POLQ: variants seen among roughly 807,000 people sequenced by gnomAD.
POLQ encodes the protein epididymis secretory sperm binding protein.
Under a neutral mutation model 259.2 loss-of-function variants are expected in POLQ, and 233 were observed. The ratio of observed to expected loss-of-function variants is 0.90; its 90% confidence interval spans 0.81 to 1.00. The LOEUF is 1.00. Among genes scored for constraint, POLQ ranks in the 50% least tolerant of loss-of-function variants. The pLI is 0.00. For synonymous variants in POLQ, 1,025 were observed against 1,048.8 expected, an observed-to-expected ratio of 0.98 and a Z score of 0.44; for missense variants, 2,871 against 3,051.6, an observed-to-expected ratio of 0.94 and a Z score of 1.39.
intron 6 of POLQ, among the ~76,000 whole-genome samples, chr3:121,532,743 T>C (rs375535099): frequency 3.9e-4 from 59 of 152,132 alleles, no homozygotes; most frequent in African/African-American, 1.3e-3. Context: ...ATGTTGGCCA[T>C]GATGGTCTCT....
intron 4 of POLQ, among the ~76,000 whole-genome samples, chr3:121,537,568 A>G (rs7628081): frequency 0.69 from 104,628 of 151,578 alleles, 36,284 homozygotes; most frequent in East Asian, 0.89. Flanking sequence ...CTGTTCCTGC[A>G]TTAATTGGCT....
Position 121,436,174 on chromosome 3 carries a change from T to C in POLQ, c.7491A>G (p.Ser2497=). ...NIQKQLETFH[S]TFKSHGHREG... Reference sequence around the variant, plus strand: ...CTCGATGACCATGGGATTTGAAGGTTGAGTGGAAGGTCTCTAATTGCTTCT... The same window carrying C: ...CTCGATGACCATGGGATTTGAAGGTCGAGTGGAAGGTCTCTAATTGCTTCT... Residue 2497 remains serine, a synonymous_variant, in exon 28 of 30, where the codon TCA becomes TCG. Coordinates refer to ENST00000264233, the MANE Select transcript of POLQ (RefSeq NM_199420.4). The C allele has an allele frequency of 6.2e-7, 1 of 1,613,974 alleles. No individual in the cohort carries two copies.
At chr3:121,540,892 TTTAA>T (rs1180531263) in intron 3 of POLQ, among the ~76,000 whole-genome samples, 1 of 114,570 alleles carries the variant, frequency 8.7e-6, no homozygotes, top group South Asian at 4.2e-4. Context: ...TGTAAATTTT[TTTAA>T]TTTTTTTTTT....
intron 22 of POLQ, among the ~76,000 whole-genome samples, chr3:121,469,682 G>A (rs1020665911): frequency 4.0e-5 from 6 of 151,762 alleles, no homozygotes; most frequent in Non-Finnish European, 2.9e-5. Flanking sequence ...ACACTACTCT[G>A]GTCTATTAGT....
intron 7 of POLQ, among the ~76,000 whole-genome samples, chr3:121,524,996 G>C (rs923604316): frequency 6.6e-6 from 1 of 151,640 alleles, no homozygotes; most frequent in African/African-American, 2.4e-5. Flanking sequence ...CAACACAGGA[G>C]TTAGAAACAC....
Position 121,473,371 on chromosome 3 carries a change from T to C in POLQ, c.6522A>G (p.Gly2174=). The part of the protein sequence containing the change: ...GIDNGRKLRL[G]RQFSTSKDVL... Reference sequence around the variant, plus strand: ...GCACCTTACTAGTGCTGAACTGTCTTCCCAGCCTTAGCTTGCGTCCATTGT... The same window carrying C: ...GCACCTTACTAGTGCTGAACTGTCTCCCCAGCCTTAGCTTGCGTCCATTGT... Residue 2174 remains glycine (G), a synonymous_variant, in exon 21 of 30, where the codon GGA becomes GGG. Coordinates refer to ENST00000264233, the MANE Select transcript of POLQ (RefSeq NM_199420.4). The C allele has an allele frequency of 6.2e-7, 1 of 1,614,026 alleles. No homozygotes were observed.
At chr3:121,469,185 CA>C (rs36073350) in intron 22 of POLQ, among the ~76,000 whole-genome samples, 8,578 of 113,094 alleles carry the variant, frequency 0.076, 233 homozygotes, top group African/African-American at 0.12. Flanking sequence ...GAGACTGTCT[CA>C]AAAAAAAAAA....
Position 121,490,089 on chromosome 3 carries a change from A to C in POLQ, c.2842T>G (p.Tyr948Asp). 1 of 1,592,624 alleles carries C rather than the reference A, an allele frequency of 6.3e-7. No individual in the cohort carries two copies. Among genetic ancestry groups the C allele is most frequent in the Non-Finnish European group, 8.6e-7 (1 of 1,167,404 alleles). The change falls in exon 16 of 30, where the codon TAT becomes GAT. Residue 948 changes from tyrosine to aspartate, a missense_variant. Transcript: ENST00000264233. Reference sequence around the variant, plus strand: ...ACTATATTTGGTGAATGCTTAATATAAGAATCACTAAATATTGTGTTACTT... The same window carrying C: ...ACTATATTTGGTGAATGCTTAATATCAGAATCACTAAATATTGTGTTACTT... ...NKSNTIFSDS[Y>D]IKHSPNIVQD...
At chr3:121,513,766 G>A (rs543843682) in intron 9 of POLQ, among the ~76,000 whole-genome samples, 1 of 151,366 alleles carries the variant, frequency 6.6e-6, no homozygotes, top group Admixed American at 6.6e-5. Flanking sequence ...GCTTATGCCT[G>A]TAATCCCAGC....
chr3:121,504,817 G>A (rs778530820), intron 12 of POLQ, among the ~76,000 whole-genome samples: 2 of 152,170 alleles, frequency 1.3e-5, no homozygotes, highest in Non-Finnish European at 1.5e-5. Flanking sequence ...TCAGTGGAAA[G>A]CACTAGCCTT....
At chr3:121,434,895 G>A (rs992433424) in intron 28 of POLQ, among the ~76,000 whole-genome samples, 1 of 152,106 alleles carries the variant, frequency 6.6e-6, no homozygotes, top group Admixed American at 6.5e-5. Flanking sequence ...GCTCACGCTG[G>A]TAATCCCAAC....
At chr3:121,439,385 C>T (rs1483221691) in intron 27 of POLQ, among the ~76,000 whole-genome samples, 1 of 152,070 alleles carries the variant, frequency 6.6e-6, no homozygotes, top group Non-Finnish European at 1.5e-5. Flanking sequence ...CATTGCACTA[C>T]CTCACTCAGC....
chr3:121,466,568 T>C (rs1184301355), intron 24 of POLQ, among the ~76,000 whole-genome samples: 1 of 151,296 alleles, frequency 6.6e-6, no homozygotes, highest in Non-Finnish European at 1.5e-5. Context: ...CCCATGCTTG[T>C]AATCCCAGCT....
intron 27 of POLQ, among the ~76,000 whole-genome samples, chr3:121,438,173 C>A (rs1032429408): frequency 6.6e-6 from 1 of 152,020 alleles, no homozygotes; most frequent in Admixed American, 6.6e-5. Context: ...AAAACAAAAA[C>A]CAAAAAACAA....
At position 121,449,441 on chromosome 3, in the gene POLQ, T is replaced by G. The variant is rs573731012; in HGVS notation, c.7153-15A>C. On this transcript the variant is annotated splice_polypyrimidine_tract_variant and intron_variant, in intron 25 of 29. Transcript: ENST00000264233. ...CCATAGCAAATCTGAAAGGGAGTCA[T>G]CCAACAAATAAAGGTTATAAGTACA... The G allele has an allele frequency of 7.5e-6, 10 of 1,341,254 alleles. No individual in the cohort carries two copies. In the Admixed American group the frequency reaches 1.7e-4, roughly 23 times the overall value. The allele number at this position is 1,341,254 out of a possible 1,614,324, so 83.1% of individuals were successfully genotyped here.
At chr3:121,497,395 AATAAT>A (rs2048133613) in intron 13 of POLQ, among the ~76,000 whole-genome samples, 1 of 152,192 alleles carries the variant, frequency 6.6e-6, no homozygotes, top group South Asian at 2.1e-4. Context: ...CCATATTATA[AATAAT>A]ATATTAGAGA....
intron 27 of POLQ, among the ~76,000 whole-genome samples, chr3:121,437,097 T>C (rs966129135): frequency 3.3e-5 from 5 of 152,024 alleles, no homozygotes; most frequent in African/African-American, 1.2e-4. Flanking sequence ...CAACTTCTAG[T>C]ATATTAAATG....
At chr3:121,531,230 T>C (rs1178900494) in intron 6 of POLQ, among the ~76,000 whole-genome samples, 4 of 152,048 alleles carry the variant, frequency 2.6e-5, no homozygotes, top group Admixed American at 2.0e-4. Context: ...TGAAAAGTGC[T>C]AAGGGAAAAG....
chr3:121,494,655 T>C (rs2108801179), intron 14 of POLQ: 7 of 1,546,012 alleles, frequency 4.5e-6, no homozygotes, highest in African/African-American at 1.4e-5. Flanking sequence ...CCTTACTGCA[T>C]TACCAAGGGG....
Sources: allele counts gnomAD v4.1 joint callset (sites outside exome capture counted in the v4.1 genomes callset), GRCh38; gene constraint gnomAD v4.1.1; transcripts MANE v1.5; gene names NCBI Gene and HGNC (gene_info 2026-07-23, HGNC 2026-07-21).